Variants in RBFOX1 observed in about 807,000 individuals in gnomAD.
The protein encoded by RBFOX1 is RNA binding fox-1 homolog 1.
Under a neutral mutation model 57.7 loss-of-function variants are expected in RBFOX1, and 8 were observed. That is an observed-to-expected ratio of 0.14 (90% CI 0.08 to 0.25). The LOEUF (loss-of-function observed/expected upper bound fraction) is 0.25. Ranked by LOEUF, RBFOX1 falls within the 10% of genes least tolerant of loss-of-function variation. The pLI is 1.00. For synonymous variants in RBFOX1, 326 were observed against 222.4 expected (o/e 1.47, Z -4.15); for missense variants, 611 against 548.5 (o/e 1.11, Z -1.14).
At chr16:5,984,567 TG>T (rs2152313420) in intron 4 of RBFOX1, among the ~76,000 whole-genome samples, 1 of 152,220 alleles carries the variant, frequency 6.6e-6, no homozygotes, top group Admixed American at 6.5e-5. Context: ...AACAATCTTA[TG>T]AGAGAATAGT....
At chr16:6,645,077 C>G (rs917748471) in intron 2 of RBFOX1, among the ~76,000 whole-genome samples, 4 of 152,164 alleles carry the variant, frequency 2.6e-5, no homozygotes, top group South Asian at 2.1e-4. Context: ...TCATCTTTGC[C>G]TCTTCCAGTG....
chr16:6,939,383 A>C (rs983089101), intron 3 of RBFOX1, among the ~76,000 whole-genome samples: 1 of 149,368 alleles, frequency 6.7e-6, no homozygotes, highest in Non-Finnish European at 1.5e-5. Flanking sequence ...ATATATGTGT[A>C]TGTGTGTGTG....
chr16:7,597,088 T>C, intron 8 of RBFOX1: 2 of 251,698 alleles, frequency 7.9e-6, no homozygotes, highest in South Asian at 1.9e-4. Context: ...AAATCTTCAA[T>C]TATGCAGAAT....
At chr16:6,775,377 C>T (rs530742701) in intron 3 of RBFOX1, among the ~76,000 whole-genome samples, 5 of 141,958 alleles carry the variant, frequency 3.5e-5, no homozygotes, top group Non-Finnish European at 7.7e-5. Context: ...TACAAACAGA[C>T]ACACCCAACT....
At chr16:6,107,877 C>T (rs575006130) in intron 1 of RBFOX1, among the ~76,000 whole-genome samples, 1 of 152,128 alleles carries the variant, frequency 6.6e-6, no homozygotes, top group Non-Finnish European at 1.5e-5. Context: ...TTAATTTATG[C>T]TTCCACCAGT....
chr16:6,883,894 G>C (rs1053669894), intron 3 of RBFOX1, among the ~76,000 whole-genome samples: 3 of 151,812 alleles, frequency 2.0e-5, no homozygotes, highest in African/African-American at 4.8e-5. Context: ...TAAAAGCTGA[G>C]ACTTAAGTTA....
chr16:7,230,450 T>A (rs1008846501), intron 4 of RBFOX1, among the ~76,000 whole-genome samples: 1 of 152,148 alleles, frequency 6.6e-6, no homozygotes, highest in Non-Finnish European at 1.5e-5. Context: ...GATTTTGAGA[T>A]GTAGATCAGC....
At chr16:6,354,056 C>G (rs1368915768) in intron 2 of RBFOX1, among the ~76,000 whole-genome samples, 1 of 152,042 alleles carries the variant, frequency 6.6e-6, no homozygotes, top group East Asian at 1.9e-4. Flanking sequence ...CCCGTCTCTA[C>G]CAAAAATACA....
At chr16:6,648,190 TGCATACCAC>T (rs1388577049) in intron 2 of RBFOX1, among the ~76,000 whole-genome samples, 2 of 151,930 alleles carry the variant, frequency 1.3e-5, no homozygotes, top group Non-Finnish European at 2.9e-5. Context: ...GGACCACAGG[TGCATACCAC>T]CCCACCTAGC....
intron 1 of RBFOX1, among the ~76,000 whole-genome samples, chr16:6,292,134 G>A (rs1489500302): frequency 6.6e-6 from 1 of 152,192 alleles, no homozygotes; most frequent in Middle Eastern, 3.2e-3. Flanking sequence ...GTGGCATGCA[G>A]CTGAAGTCCT....
chr16:6,988,745 TTGTTTGTTTTTTGTTTTTTG>T (rs1568246282), intron 3 of RBFOX1, among the ~76,000 whole-genome samples: 9 of 55,234 alleles, frequency 1.6e-4, no homozygotes, highest in South Asian at 6.8e-4. Flanking sequence ...TTTTTTTTGT[TTGTTTGTTTTTTGTTTTTTG>T]TTTTTTGTTT....
At chr16:7,238,862 A>T (rs559640701) in intron 4 of RBFOX1, among the ~76,000 whole-genome samples, 1 of 152,236 alleles carries the variant, frequency 6.6e-6, no homozygotes, top group South Asian at 2.1e-4. Context: ...TTTATCATTT[A>T]GCTCCCACTT....
intron 2 of RBFOX1, among the ~76,000 whole-genome samples, chr16:6,526,857 A>AAAAAAAAAAAAAAAAAAAC (rs1567560941): frequency 1.1e-4 from 14 of 130,354 alleles, no homozygotes; most frequent in African/African-American, 4.7e-4. Context: ...AAAAAAAAAA[A>AAAAAAAAAAAAAAAAAAAC]AACAACCAGA....
chr16:7,292,702 C>T (rs900245893), intron 4 of RBFOX1, among the ~76,000 whole-genome samples: 5 of 151,724 alleles, frequency 3.3e-5, no homozygotes, highest in Non-Finnish European at 4.4e-5. Context: ...TTAAAAAGTC[C>T]AGCCAGGGAC....
chr16:6,872,026 G>A (rs925835064), intron 3 of RBFOX1, among the ~76,000 whole-genome samples: 1 of 151,396 alleles, frequency 6.6e-6, no homozygotes, highest in Non-Finnish European at 1.5e-5. Flanking sequence ...TGTTCATTAT[G>A]ATTGTGTGTA....
At chr16:6,114,017 A>C (rs1191244946) in intron 1 of RBFOX1, among the ~76,000 whole-genome samples, 1 of 148,582 alleles carries the variant, frequency 6.7e-6, no homozygotes, top group African/African-American at 2.6e-5. Context: ...GACTATTCAA[A>C]CTACTGCCAC....
intron 3 of RBFOX1, among the ~76,000 whole-genome samples, chr16:5,789,229 A>T (rs1287432955): frequency 6.6e-6 from 1 of 152,210 alleles, no homozygotes; most frequent in African/African-American, 2.4e-5. Flanking sequence ...ATACTTTATA[A>T]TCCTGGGAGC....
At chr16:5,445,765 C>G (rs760068245) in intron 1 of RBFOX1, among the ~76,000 whole-genome samples, 2 of 152,198 alleles carry the variant, frequency 1.3e-5, no homozygotes, top group Non-Finnish European at 1.5e-5. Context: ...ATCATTGCCA[C>G]TAAATTTTTC....
chr16:6,610,440 A>G (rs1363695076), intron 2 of RBFOX1, among the ~76,000 whole-genome samples: 1 of 151,780 alleles, frequency 6.6e-6, no homozygotes, highest in Non-Finnish European at 1.5e-5. Flanking sequence ...TGATCCTCCC[A>G]CTTCAGCCTC....
Sources: allele counts gnomAD v4.1 joint callset (sites outside exome capture counted in the v4.1 genomes callset), GRCh38; gene constraint gnomAD v4.1.1; transcripts MANE v1.5; gene names NCBI Gene and HGNC (gene_info 2026-07-23, HGNC 2026-07-21).